The following OOEP variants were observed in gnomAD, a reference collection of about 807,000 sequenced individuals.
OOEP encodes oocyte-expressed protein homolog.
Under a neutral mutation model 13.7 loss-of-function variants are expected in OOEP, and 16 were observed. That is an observed-to-expected ratio of 1.16 (90% CI 0.79 to 1.77). The LOEUF is 1.77. Among genes scored for constraint, OOEP ranks in the 40% most tolerant of loss-of-function variants. OOEP has a pLI of 0.00. For synonymous variants in OOEP, 89 were observed against 77.1 expected, an observed-to-expected ratio of 1.15 and a Z score of -0.81; for missense variants, 195 against 193.1, an observed-to-expected ratio of 1.01 and a Z score of -0.06.
At chr6:73,380,246 C>CTTT (rs774497914) in intron 2 of OOEP, among the ~76,000 whole-genome samples, 20 of 126,886 alleles carry the variant, frequency 1.6e-4, no homozygotes, top group Middle Eastern at 4.1e-3. Context: ...TTCCAAAATT[C>CTTT]TTTTTTTTTT....
intron 2 of OOEP, among the ~76,000 whole-genome samples, chr6:73,379,310 C>T (rs567335720): frequency 6.6e-6 from 1 of 150,838 alleles, no homozygotes; most frequent in South Asian, 2.1e-4. Context: ...AGGTGTGAGC[C>T]ACCATGCCTG....
In OOEP at chr6:73,368,605, C is replaced by G. The variant is rs199595476; in HGVS notation, c.*179G>C. 2.6e-5 allele frequency: 14 copies of G among 547,462 alleles called. No homozygotes were observed. In the South Asian group the frequency reaches 3.7e-4, roughly 15 times the overall value. The allele number at this position is 547,462 out of a possible 1,614,324, so 33.9% of individuals were successfully genotyped here. A position where few individuals can be genotyped will look rare whatever the true frequency, so the allele number is the denominator to read the frequency against. On this transcript the variant is annotated 3_prime_UTR_variant, in exon 3 of 3. Coordinates refer to ENST00000370359, the MANE Select transcript of OOEP (RefSeq NM_001080507.3). ...TGTGTGAAGATCTTAATGCTTTTGG[C>G]AAAATAGCCATTTCTTTATTAGAAT...
exon 2 of OOEP, chr6:73,394,422 G>C (rs1443511372): frequency 2.8e-6 from 2 of 712,176 alleles, no homozygotes; most frequent in African/African-American, 1.7e-5. Context: ...GCCGAGGCTG[G>C]AAGATCACTT....
chr6:73,383,049 G>C (rs979893783), intron 2 of OOEP, among the ~76,000 whole-genome samples: 1 of 151,886 alleles, frequency 6.6e-6, no homozygotes, highest in Non-Finnish European at 1.5e-5. Flanking sequence ...CTGTTGGCCA[G>C]GTTGGTCTCA....
chr6:73,385,162 T>G (rs150263089), intron 2 of OOEP, among the ~76,000 whole-genome samples: 1 of 151,496 alleles, frequency 6.6e-6, no homozygotes, highest in African/African-American at 2.4e-5. Flanking sequence ...CTGGCTAACA[T>G]GGTGAAACCC....
At chr6:73,378,683 T>G (rs894017242) in intron 2 of OOEP, among the ~76,000 whole-genome samples, 1 of 151,892 alleles carries the variant, frequency 6.6e-6, no homozygotes, top group Non-Finnish European at 1.5e-5. Flanking sequence ...GCCAACATGA[T>G]GAAACCCCAT....
chr6:73,379,592 T>C (rs1422579857), intron 2 of OOEP, among the ~76,000 whole-genome samples: 1 of 139,794 alleles, frequency 7.2e-6, no homozygotes, highest in Admixed American at 7.9e-5. Context: ...TGAGTCAAGA[T>C]TGTGCCACTG....
At chr6:73,377,143 GAGAAACTGACT>G (rs1415532043) in intron 2 of OOEP, among the ~76,000 whole-genome samples, 1 of 152,210 alleles carries the variant, frequency 6.6e-6, no homozygotes. Flanking sequence ...CCATGGGAGA[GAGAAACTGACT>G]ACAATCTTAA....
chr6:73,373,275 G>A, upstream of OOEP: 1 of 1,599,500 alleles, frequency 6.3e-7, no homozygotes, highest in Non-Finnish European at 8.6e-7. Context: ...GCGAGCAGCG[G>A]AGTCAAGAAC....
exon 1 of OOEP, chr6:73,395,060 G>GAGGCACCTCT: frequency 6.2e-7 from 1 of 1,613,576 alleles, no homozygotes; most frequent in Non-Finnish European, 8.5e-7. Context: ...GGTCGCTGGA[G>GAGGCACCTCT]AGGCACCTCT....
Position 73,392,001 on chromosome 6 carries a change from G to A in OOEP, c.25+2345C>T, listed in dbSNP as rs551474453. 2.6e-5 allele frequency among the ~76,000 whole-genome samples: 4 copies of A among 152,292 alleles called. No homozygotes were observed. In the East Asian group the frequency reaches 5.8e-4, roughly 22 times the overall value. ...TGGCTGTTGAAAGTTCCTAGTTTAC[G>A]TGAAGGTTCACTCTCAGTGTTAGAA... On this transcript the variant is annotated intron_variant, in intron 2 of 3. Coordinates refer to the OOEP transcript ENST00000370363.
intron 2 of OOEP, among the ~76,000 whole-genome samples, chr6:73,379,083 G>A (rs1769168611): frequency 6.6e-6 from 1 of 151,880 alleles, no homozygotes; most frequent in Admixed American, 6.6e-5. Context: ...GGAGTGCAGT[G>A]GCATGATCTC....
chr6:73,383,146 G>A (rs1210185200), intron 2 of OOEP, among the ~76,000 whole-genome samples: 1 of 152,068 alleles, frequency 6.6e-6, no homozygotes, highest in Non-Finnish European at 1.5e-5. Flanking sequence ...CTGTAAATCT[G>A]AAGTAGAAGA....
chr6:73,381,223 AAAAAAGAAG>A (rs1562278918), intron 2 of OOEP, among the ~76,000 whole-genome samples: 1 of 134,972 alleles, frequency 7.4e-6, no homozygotes, highest in Admixed American at 7.4e-5. Context: ...AAAAAAAAAA[AAAAAAGAAG>A]AAGAAAAAGA....
chr6:73,373,299 G>T, upstream of OOEP: 1 of 1,564,606 alleles, frequency 6.4e-7, no homozygotes, highest in Non-Finnish European at 8.8e-7. Context: ...CCACGATGGC[G>T]GAGAAAGGAA....
chr6:73,385,131 G>A (rs1041387446), intron 2 of OOEP, among the ~76,000 whole-genome samples: 1 of 151,698 alleles, frequency 6.6e-6, no homozygotes, highest in African/African-American at 2.4e-5. Flanking sequence ...CAGATCACTA[G>A]GTCAGGAGAT....
Position 73,369,573 on chromosome 6 carries a change from C to T in OOEP, c.190+30G>A, listed in dbSNP as rs374364609. On this transcript the variant is annotated intron_variant, in intron 1 of 2. Transcript: ENST00000370359. ...AAGCCTCTCTCAGACTGGAGGTGGA[C>T]AGCCCACTAGCACACCTGGGGTCGC... is the stretch of plus-strand genomic sequence containing the variant. 5.4e-5 allele frequency: 87 copies of T among 1,602,936 alleles called. No individual in the cohort carries two copies. In the African/African-American group the frequency reaches 1.0e-3, roughly 19 times the overall value.
chr6:73,394,919 G>C (rs776821666), exon 1 of OOEP: 1 of 1,614,228 alleles, frequency 6.2e-7, no homozygotes, highest in South Asian at 1.1e-5. Context: ...TCCCACCACG[G>C]AGGAGCTCCC....
chr6:73,372,535 T>C (rs1769072409), upstream of OOEP, among the ~76,000 whole-genome samples: 1 of 152,186 alleles, frequency 6.6e-6, no homozygotes, highest in African/African-American at 2.4e-5. Context: ...GTTTCGCATC[T>C]CTCAGCTTTG....
Sources: allele counts gnomAD v4.1 joint callset (sites outside exome capture counted in the v4.1 genomes callset), GRCh38; gene constraint gnomAD v4.1.1; transcripts MANE v1.5; gene names NCBI Gene and HGNC (gene_info 2026-07-23, HGNC 2026-07-21).